The following SMC1B variants were observed in gnomAD, a reference collection of about 807,000 sequenced individuals.
SMC1B encodes the protein structural maintenance of chromosomes protein 1B.
In SMC1B, 60 loss-of-function variants were observed where a neutral mutation model predicts 157.9. The ratio of observed to expected loss-of-function variants is 0.38; its 90% CI spans 0.31 to 0.47. The LOEUF (loss-of-function observed/expected upper bound fraction) is 0.47. Among genes scored for constraint, SMC1B ranks in the 20% least tolerant of loss-of-function variants. The pLI, the probability that SMC1B is intolerant of heterozygous loss-of-function variation, is 0.99. For missense variants in SMC1B, 1,165 were observed against 1,426.2 expected, an observed-to-expected ratio of 0.82 and a Z score of 2.95; for synonymous variants, 445 against 483.0, an observed-to-expected ratio of 0.92 and a Z score of 1.03.
chr22:45,363,230 G>C (rs2086738670), intron 15 of SMC1B, among the ~76,000 whole-genome samples: 2 of 151,936 alleles, frequency 1.3e-5, no homozygotes, highest in South Asian at 4.2e-4. Context: ...CCCACCACTG[G>C]CTTATTTGAA....
chr22:45,366,233 A>G (rs1364726635), intron 15 of SMC1B, among the ~76,000 whole-genome samples: 2 of 152,164 alleles, frequency 1.3e-5, no homozygotes, highest in African/African-American at 4.8e-5. Context: ...CATGTTGCCC[A>G]GGCTGGTCTC....
chr22:45,376,991 G>A (rs1466671954), intron 12 of SMC1B, among the ~76,000 whole-genome samples: 3 of 152,132 alleles, frequency 2.0e-5, no homozygotes, highest in Admixed American at 2.0e-4. Flanking sequence ...TCACAATCTT[G>A]TAATAGAGTC....
chr22:45,357,917 A>C (rs977687296), intron 19 of SMC1B, among the ~76,000 whole-genome samples: 14 of 152,216 alleles, frequency 9.2e-5, no homozygotes, highest in South Asian at 2.1e-4. Context: ...CTATTGCAAG[A>C]GGAACCAACC....
chr22:45,351,676 T>C (rs2086616558), intron 22 of SMC1B, among the ~76,000 whole-genome samples: 1 of 152,180 alleles, frequency 6.6e-6, no homozygotes, highest in Non-Finnish European at 1.5e-5. Flanking sequence ...AGCCTCTGGG[T>C]AGCTGGGCCT....
chr22:45,408,927 T>C (rs747456358), intron 1 of SMC1B, 29 bp from the exon 2 acceptor site: 1 of 1,363,586 alleles, frequency 7.3e-7, no homozygotes, highest in Admixed American at 2.6e-5. Flanking sequence ...AAAACATTAT[T>C]CATTCTTAAT....
At chr22:45,379,523 TC>T (rs2086914821) in intron 12 of SMC1B, among the ~76,000 whole-genome samples, 2 of 152,028 alleles carry the variant, frequency 1.3e-5, no homozygotes, top group Non-Finnish European at 2.9e-5. Flanking sequence ...GTCCCTCCTG[TC>T]CCCCTGCGTC....
At chr22:45,398,951 C>CAGG (rs1447153741) in intron 6 of SMC1B, 144 bp downstream of exon 6, 2 of 809,568 alleles carry the variant, frequency 2.5e-6, no homozygotes, top group African/African-American at 3.5e-5. Flanking sequence ...GTTCTGTATA[C>CAGG]AGGCTGAAAA....
chr22:45,404,529 T>A (rs191239303), intron 4 of SMC1B, among the ~76,000 whole-genome samples: 72 of 152,350 alleles, frequency 4.7e-4, no homozygotes, highest in Admixed American at 3.4e-3. Flanking sequence ...ATGTATTCTC[T>A]CTGAAGCCTG....
chr22:45,393,895 T>C (rs951482106), intron 8 of SMC1B, 54 bp from the exon 9 acceptor site: 5 of 1,304,898 alleles, frequency 3.8e-6, no homozygotes, highest in Non-Finnish European at 5.4e-6. Context: ...ATTTAGGAAT[T>C]ACCAGGTACA....
intron 22 of SMC1B, among the ~76,000 whole-genome samples, chr22:45,350,346 C>T (rs1037083115): frequency 5.3e-5 from 8 of 151,950 alleles, no homozygotes; most frequent in Non-Finnish European, 8.8e-5. Flanking sequence ...GGCACAATCC[C>T]GGCTCACTGC....
chr22:45,365,024 A>C (rs2086761604), intron 15 of SMC1B, among the ~76,000 whole-genome samples: 1 of 151,668 alleles, frequency 6.6e-6, no homozygotes, highest in Non-Finnish European at 1.5e-5. Context: ...TTTTTAGTAG[A>C]GACATGGTTT....
At chr22:45,359,732 G>A in intron 18 of SMC1B, 73 bp downstream of exon 18, 1 of 1,501,360 alleles carries the variant, frequency 6.7e-7, no homozygotes, top group Non-Finnish European at 9.1e-7. Context: ...CAGAACAAGA[G>A]AAAGAATAAG....
intron 15 of SMC1B, among the ~76,000 whole-genome samples, chr22:45,367,996 A>G (rs2086792192): frequency 6.6e-6 from 1 of 152,136 alleles, no homozygotes; most frequent in Non-Finnish European, 1.5e-5. Context: ...TGTCACTGCC[A>G]AATTTGTATA....
At chr22:45,397,598 T>C (rs894503891) in intron 6 of SMC1B, among the ~76,000 whole-genome samples, 1 of 152,198 alleles carries the variant, frequency 6.6e-6, no homozygotes, top group Non-Finnish European at 1.5e-5. Flanking sequence ...TTTGGTGTGC[T>C]TACCTCTGAT....
At position 45,389,693 on chromosome 22, in the gene SMC1B, G is replaced by A; in HGVS notation, c.1731+19C>T. ...AAGATTTTTATCACTATAAATACCA[G>A]GCATTACAAAGTTCTTACATCAAGG... On this transcript the variant is annotated intron_variant, in intron 10 of 24. Transcript: ENST00000357450. 1 of 1,596,686 alleles carries A rather than the reference G, an allele frequency of 6.3e-7. No homozygotes were observed. Among genetic ancestry groups the A allele is most frequent in the East Asian group, 2.2e-5 (1 of 44,718 alleles).
intron 1 of SMC1B, among the ~76,000 whole-genome samples, chr22:45,411,972 G>A (rs185856784): frequency 0.011 from 1,610 of 151,350 alleles, 25 homozygotes; most frequent in African/African-American, 0.037. Context: ...TCCGCCTCCC[G>A]GGTTCAAGTG....
chr22:45,362,482 G>A (rs566713599), intron 16 of SMC1B, among the ~76,000 whole-genome samples: 2 of 152,038 alleles, frequency 1.3e-5, no homozygotes, highest in South Asian at 2.1e-4. Context: ...ATTCTCATGT[G>A]GTTTCAGTTT....
chr22:45,373,155 T>C (rs2086851613), intron 12 of SMC1B, among the ~76,000 whole-genome samples: 1 of 152,194 alleles, frequency 6.6e-6, no homozygotes, highest in African/African-American at 2.4e-5. Context: ...ATCTGACATG[T>C]ATTGATTGAT....
intron 5 of SMC1B, among the ~76,000 whole-genome samples, chr22:45,399,599 G>C (rs13433643): frequency 6.6e-6 from 1 of 152,130 alleles, no homozygotes; most frequent in African/African-American, 2.4e-5. Flanking sequence ...GCCAAAACCT[G>C]TATTACTTTA....
Sources: allele counts gnomAD v4.1 joint callset (sites outside exome capture counted in the v4.1 genomes callset), GRCh38; gene constraint gnomAD v4.1.1; transcripts MANE v1.5; gene names NCBI Gene and HGNC (gene_info 2026-07-23, HGNC 2026-07-21).